C1orf185: variants seen among roughly 807,000 people sequenced by gnomAD.
C1orf185 encodes chromosome 1 open reading frame 185, also known as uncharacterized protein C1orf185.
C1orf185 carries 13 observed loss-of-function variants against 16.1 expected under a neutral mutation model. The ratio of observed to expected loss-of-function variants is 0.81; its 90% CI spans 0.53 to 1.28. The LOEUF (loss-of-function observed/expected upper bound fraction) is 1.28. C1orf185 is among the 50% of genes most tolerant of loss of function. The pLI is 0.00. For missense variants in C1orf185, 220 were observed against 225.2 expected, an observed-to-expected ratio of 0.98 and a Z score of 0.15; for synonymous variants, 80 against 76.9, an observed-to-expected ratio of 1.04 and a Z score of -0.21.
chr1:51,134,531 A>T (rs1646308468), intron 3 of C1orf185, among the ~76,000 whole-genome samples: 1 of 146,874 alleles, frequency 6.8e-6, no homozygotes, highest in South Asian at 2.2e-4. Flanking sequence ...CAAAAAAAAA[A>T]CATTCAAAAG....
Position 51,145,779 on chromosome 1 carries a change from T to A in C1orf185, c.295+19T>A. The A allele has an allele frequency of 8.0e-7, 1 of 1,251,730 alleles. No homozygotes were observed. The highest frequency in any genetic ancestry group is 1.1e-6 in the Non-Finnish European group (1 of 916,508). 77.5% of individuals were successfully genotyped at this position (1,251,730 alleles called of 1,614,324 possible). A position where few individuals can be genotyped will look rare whatever the true frequency, so the allele number is the denominator to read the frequency against. On this transcript the variant is annotated intron_variant, in intron 4 of 4. Transcript: ENST00000371759. ...ATAAAAGGTATTTTTTCTCAATAAT[T>A]TATTAGAAGAAATCTTAATGAACTT...
chr1:51,129,132 G>GCCCA (rs1646264419), intron 3 of C1orf185, among the ~76,000 whole-genome samples: 1 of 152,078 alleles, frequency 6.6e-6, no homozygotes, highest in African/African-American at 2.4e-5. Flanking sequence ...CGATCCACCT[G>GCCCA]CCTCGGCCTC....
chr1:51,151,649 T>C (rs960509912), downstream of C1orf185, among the ~76,000 whole-genome samples: 2 of 152,042 alleles, frequency 1.3e-5, no homozygotes, highest in Non-Finnish European at 2.9e-5. Context: ...CCTGGAAATA[T>C]GGGATAACAT....
intron 3 of C1orf185, among the ~76,000 whole-genome samples, chr1:51,144,289 T>G (rs1056335928): frequency 1.8e-4 from 28 of 152,180 alleles, no homozygotes; most frequent in African/African-American, 6.8e-4. Flanking sequence ...CACATCAAAG[T>G]CTGAGAAGCA....
At chr1:51,139,979 T>C (rs1646353622) in intron 3 of C1orf185, among the ~76,000 whole-genome samples, 1 of 152,230 alleles carries the variant, frequency 6.6e-6, no homozygotes, top group Non-Finnish European at 1.5e-5. Flanking sequence ...TTAAAGCTTC[T>C]ATCTAGAAGT....
chr1:51,102,886 C>G (rs553989119), intron 1 of C1orf185, among the ~76,000 whole-genome samples: 3 of 152,196 alleles, frequency 2.0e-5, no homozygotes, highest in Non-Finnish European at 4.4e-5. Context: ...TTGGCTCCAG[C>G]TGTGTTCCTA....
chr1:51,127,025 G>A (rs1159987060), intron 3 of C1orf185, among the ~76,000 whole-genome samples: 1 of 151,402 alleles, frequency 6.6e-6, no homozygotes, highest in African/African-American at 2.4e-5. Flanking sequence ...TGTATTTTGG[G>A]GAAGAATACC....
At chr1:51,116,298 G>C (rs1032099697) in intron 2 of C1orf185, among the ~76,000 whole-genome samples, 5 of 149,434 alleles carry the variant, frequency 3.3e-5, no homozygotes, top group African/African-American at 1.2e-4. Context: ...GGGCAAATCT[G>C]ATCAAGTCAC....
chr1:51,144,685 C>T (rs1044089108), intron 3 of C1orf185, among the ~76,000 whole-genome samples: 1 of 151,986 alleles, frequency 6.6e-6, no homozygotes, highest in African/African-American at 2.4e-5. Flanking sequence ...TGCACCCCAT[C>T]CTGGGTGACA....
intron 3 of C1orf185, among the ~76,000 whole-genome samples, chr1:51,128,512 C>T (rs902446603): frequency 1.3e-5 from 2 of 152,048 alleles, no homozygotes; most frequent in African/African-American, 4.8e-5. Context: ...GCCAGTATGG[C>T]GAAATCCCAT....
chr1:51,102,320 A>G (rs1471699883), intron 1 of C1orf185, 71 bp downstream of exon 1: 10 of 703,434 alleles, frequency 1.4e-5, no homozygotes, highest in African/African-American at 1.1e-4. Flanking sequence ...TAGACGAACA[A>G]CCAGAAATCT....
intron 3 of C1orf185, among the ~76,000 whole-genome samples, chr1:51,124,128 C>T (rs1006094268): frequency 1.4e-5 from 2 of 144,056 alleles, no homozygotes; most frequent in Admixed American, 7.2e-5. Flanking sequence ...GTTGCCCAGG[C>T]TGGAGTGCAG....
intron 1 of C1orf185, among the ~76,000 whole-genome samples, chr1:51,103,450 A>ACACACACAC (rs756442424): frequency 3.4e-3 from 175 of 51,886 alleles, no homozygotes; most frequent in South Asian, 9.2e-3. Context: ...CACACACACA[A>ACACACACAC]AAACCACGAA....
intron 4 of C1orf185, among the ~76,000 whole-genome samples, chr1:51,146,394 G>T (rs952819582): frequency 2.6e-5 from 4 of 151,416 alleles, no homozygotes; most frequent in African/African-American, 9.7e-5. Flanking sequence ...AGGAGGCGGA[G>T]GTTGCAGTGA....
chr1:51,130,483 A>T (rs1231304887), intron 3 of C1orf185, among the ~76,000 whole-genome samples: 4 of 152,040 alleles, frequency 2.6e-5, no homozygotes, highest in Admixed American at 6.6e-5. Context: ...CTACACTCCA[A>T]GAAATGCAGT....
chr1:51,125,030 C>T (rs1214893700), intron 3 of C1orf185, among the ~76,000 whole-genome samples: 3 of 151,998 alleles, frequency 2.0e-5, no homozygotes, highest in Admixed American at 2.0e-4. Context: ...CCCTGCCTAG[C>T]ATTGGAGGAG....
intron 1 of C1orf185, among the ~76,000 whole-genome samples, chr1:51,109,451 T>C (rs992944883): frequency 2.0e-5 from 3 of 152,224 alleles, no homozygotes; most frequent in Non-Finnish European, 2.9e-5. Flanking sequence ...CTTTTGTTAC[T>C]TGTGCTTTTG....
At chr1:51,127,578 G>A (rs112642326) in intron 3 of C1orf185, among the ~76,000 whole-genome samples, 45 of 152,116 alleles carry the variant, frequency 3.0e-4, no homozygotes, top group Non-Finnish European at 5.9e-4. Context: ...GAGCCACTGC[G>A]CCCAGCAGCT....
At chr1:51,130,058 C>A (rs532483260) in intron 3 of C1orf185, among the ~76,000 whole-genome samples, 1 of 152,106 alleles carries the variant, frequency 6.6e-6, no homozygotes, top group East Asian at 1.9e-4. Context: ...ATGATTAAAT[C>A]ACAGAGTTTA....
Sources: allele counts gnomAD v4.1 joint callset (sites outside exome capture counted in the v4.1 genomes callset), GRCh38; gene constraint gnomAD v4.1.1; transcripts MANE v1.5; gene names NCBI Gene and HGNC (gene_info 2026-07-23, HGNC 2026-07-21).